The following COP1 variants were observed in gnomAD, a reference collection of about 807,000 sequenced individuals.
The protein encoded by COP1 is E3 ubiquitin-protein ligase COP1.
Under a neutral mutation model 101.3 loss-of-function variants are expected in COP1, and 24 were observed. The ratio of observed to expected loss-of-function variants is 0.24; its 90% confidence interval spans 0.17 to 0.33. The LOEUF (loss-of-function observed/expected upper bound fraction) is 0.33, where lower values mean the gene tolerates loss of function less well. COP1 is among the 10% of genes least tolerant of loss of function. The pLI, the probability that COP1 is intolerant of heterozygous loss-of-function variation, is 1.00. For missense variants in COP1, 663 were observed against 906.2 expected (o/e 0.73, Z 3.45); for synonymous variants, 347 against 341.9 (o/e 1.01, Z -0.17).
At chr1:176,071,798 C>A (rs1256129341) in intron 11 of COP1, among the ~76,000 whole-genome samples, 1 of 152,152 alleles carries the variant, frequency 6.6e-6, no homozygotes, top group Non-Finnish European at 1.5e-5. Flanking sequence ...TTGTGACAAA[C>A]CTTCACAAGT....
intron 9 of COP1, among the ~76,000 whole-genome samples, chr1:176,110,169 G>C (rs771499738): frequency 6.6e-6 from 1 of 152,010 alleles, no homozygotes; most frequent in African/African-American, 2.4e-5. Context: ...CCAATTTTTC[G>C]AAATTCTCCA....
chr1:176,112,294 A>C (rs1310495486), intron 9 of COP1, among the ~76,000 whole-genome samples: 1 of 151,084 alleles, frequency 6.6e-6, no homozygotes, highest in African/African-American at 2.4e-5. Flanking sequence ...ATCTTGATTC[A>C]AGGATCTACA....
At chr1:176,026,636 T>C (rs1388774336) in intron 15 of COP1, among the ~76,000 whole-genome samples, 1 of 152,144 alleles carries the variant, frequency 6.6e-6, no homozygotes, top group Non-Finnish European at 1.5e-5. Context: ...AACTGAACTA[T>C]GAAATTATGT....
At chr1:175,969,618 C>A (rs1352929787) in intron 18 of COP1, among the ~76,000 whole-genome samples, 1 of 152,134 alleles carries the variant, frequency 6.6e-6, no homozygotes, top group Admixed American at 6.5e-5. Flanking sequence ...TAAACATATA[C>A]AAGTTTACCC....
At chr1:176,032,490 A>T (rs769564272) in intron 14 of COP1, among the ~76,000 whole-genome samples, 1 of 152,140 alleles carries the variant, frequency 6.6e-6, no homozygotes, top group Non-Finnish European at 1.5e-5. Context: ...ACAGTTTTGG[A>T]GGTCAAGAAT....
intron 5 of COP1, among the ~76,000 whole-genome samples, chr1:176,150,393 T>C (rs571491961): frequency 2.6e-5 from 4 of 152,336 alleles, no homozygotes; most frequent in Admixed American, 2.0e-4. Flanking sequence ...ATCATGAAGA[T>C]TGAAATTTTT....
intron 11 of COP1, among the ~76,000 whole-genome samples, chr1:176,060,656 T>C (rs1168961935): frequency 2.0e-5 from 3 of 152,202 alleles, no homozygotes; most frequent in African/African-American, 7.2e-5. Flanking sequence ...ATCAGTAATG[T>C]CACTGCTGTG....
chr1:175,996,628 T>G (rs1014872812), intron 15 of COP1, among the ~76,000 whole-genome samples: 4 of 152,160 alleles, frequency 2.6e-5, no homozygotes, highest in Non-Finnish European at 5.9e-5. Flanking sequence ...AGCCAAATCA[T>G]GAGTGAACTC....
chr1:176,102,807 G>A (rs1683640974), intron 9 of COP1, among the ~76,000 whole-genome samples: 1 of 152,202 alleles, frequency 6.6e-6, no homozygotes, highest in Non-Finnish European at 1.5e-5. Flanking sequence ...TGATGGATCA[G>A]CTGACACCAC....
At chr1:176,004,951 G>A (rs975853419) in intron 15 of COP1, among the ~76,000 whole-genome samples, 3 of 151,712 alleles carry the variant, frequency 2.0e-5, no homozygotes, top group African/African-American at 7.3e-5. Flanking sequence ...TTGTACCTCT[G>A]GTAGAATTCA....
At position 176,076,085 on chromosome 1, in the gene COP1, C is replaced by T. The variant is rs571546489; in HGVS notation, c.1277+5067G>A. Among the ~76,000 whole-genome samples, 254 of 150,244 alleles carry T rather than the reference C, an allele frequency of 1.7e-3. 1 individual carries two copies. Among genetic ancestry groups the T allele is most frequent in the African/African-American group, 5.9e-3 (240 of 40,852 alleles). On this transcript the variant is annotated intron_variant, in intron 11 of 19. Transcript: ENST00000367669. ...ACAGATCATGGAGGCAGAACACTAACGAAATTCTGGACTTAAACTCTACAC... is the reference window on the plus strand; with the variant it reads ...ACAGATCATGGAGGCAGAACACTAATGAAATTCTGGACTTAAACTCTACAC...
chr1:176,202,792 G>C (rs571773542), intron 1 of COP1, among the ~76,000 whole-genome samples: 81 of 152,000 alleles, frequency 5.3e-4, no homozygotes, highest in Non-Finnish European at 1.0e-3. Context: ...TAGTCCATTA[G>C]AGTATTTAAC....
chr1:176,103,765 A>G (rs1246104349), intron 9 of COP1, among the ~76,000 whole-genome samples: 1 of 152,206 alleles, frequency 6.6e-6, no homozygotes, highest in Admixed American at 6.5e-5. Context: ...ACAAATTTTC[A>G]GCTTTAAAAA....
At chr1:176,011,144 A>T (rs943399296) in intron 15 of COP1, among the ~76,000 whole-genome samples, 2 of 152,208 alleles carry the variant, frequency 1.3e-5, no homozygotes, top group Non-Finnish European at 2.9e-5. Context: ...ATGTGGTGGC[A>T]GTAATTCAAA....
chr1:176,002,623 T>G (rs1661981329), intron 15 of COP1, among the ~76,000 whole-genome samples: 1 of 148,608 alleles, frequency 6.7e-6, no homozygotes, highest in Non-Finnish European at 1.5e-5. Flanking sequence ...TTTTTGTTCT[T>G]GTGATAGTTT....
chr1:176,007,846 C>A (rs1267031422), intron 15 of COP1, among the ~76,000 whole-genome samples: 10 of 152,236 alleles, frequency 6.6e-5, no homozygotes, highest in Non-Finnish European at 1.5e-4. Context: ...GGCAGGCAGG[C>A]CTCCTTCAGC....
At chr1:176,114,163 C>G (rs576764019) in intron 9 of COP1, among the ~76,000 whole-genome samples, 8 of 152,226 alleles carry the variant, frequency 5.3e-5, no homozygotes, top group Admixed American at 4.6e-4. Context: ...TATTCTCTCT[C>G]AAGTTCCTAC....
At chr1:176,023,718 C>CAAAAAAAAAAAAAAA (rs759455090) in intron 15 of COP1, among the ~76,000 whole-genome samples, 14 of 122,060 alleles carry the variant, frequency 1.1e-4, no homozygotes, top group African/African-American at 3.2e-4. Flanking sequence ...AACTCCATCT[C>CAAAAAAAAAAAAAAA]AAAAAAAAAA....
At chr1:176,104,638 C>T (rs1423547699) in intron 9 of COP1, among the ~76,000 whole-genome samples, 1 of 152,106 alleles carries the variant, frequency 6.6e-6, no homozygotes, top group Non-Finnish European at 1.5e-5. Flanking sequence ...AAATTAAAAA[C>T]TATGAAACTT....
Sources: allele counts gnomAD v4.1 joint callset (sites outside exome capture counted in the v4.1 genomes callset), GRCh38; gene constraint gnomAD v4.1.1; transcripts MANE v1.5; gene names NCBI Gene and HGNC (gene_info 2026-07-23, HGNC 2026-07-21).